Variants in ZBTB20 observed in about 807,000 individuals in gnomAD.
ZBTB20 encodes the protein zinc finger and BTB domain-containing protein 20.
Under a neutral mutation model 56.9 loss-of-function variants are expected in ZBTB20, and 9 were observed. The observed-to-expected ratio is 0.16, with a 90% CI of 0.10 to 0.28. The LOEUF (loss-of-function observed/expected upper bound fraction) is 0.28, where lower values mean the gene tolerates loss of function less well. Ranked by LOEUF, ZBTB20 falls within the 10% of genes least tolerant of loss-of-function variation. ZBTB20 has a pLI of 1.00. For synonymous variants in ZBTB20, 417 were observed against 420.7 expected (o/e 0.99, Z 0.11); for missense variants, 655 against 1,003.0 (o/e 0.65, Z 4.69).
At chr3:114,526,898 T>C (rs1463651990) in intron 6 of ZBTB20, among the ~76,000 whole-genome samples, 4 of 152,330 alleles carry the variant, frequency 2.6e-5, no homozygotes, top group Non-Finnish European at 4.4e-5. Flanking sequence ...TGACAGAATA[T>C]ATGCCTGCTC....
intron 6 of ZBTB20, among the ~76,000 whole-genome samples, chr3:114,685,768 A>G (rs1288687412): frequency 6.6e-6 from 1 of 152,174 alleles, no homozygotes; most frequent in Non-Finnish European, 1.5e-5. Flanking sequence ...CAGTAGTGAG[A>G]CCAACATAAA....
At chr3:114,571,975 TC>T (rs2053487268) in intron 6 of ZBTB20, among the ~76,000 whole-genome samples, 1 of 152,178 alleles carries the variant, frequency 6.6e-6, no homozygotes, top group Non-Finnish European at 1.5e-5. Flanking sequence ...CAACTACTTG[TC>T]CTGGGAGGCA....
At chr3:114,470,154 G>T (rs1396531404) in intron 7 of ZBTB20, among the ~76,000 whole-genome samples, 1 of 151,966 alleles carries the variant, frequency 6.6e-6, no homozygotes, top group Non-Finnish European at 1.5e-5. Flanking sequence ...AAAATGTTAG[G>T]TGATCATTTC....
At chr3:114,511,335 A>C (rs1011717880) in intron 6 of ZBTB20, among the ~76,000 whole-genome samples, 4 of 152,126 alleles carry the variant, frequency 2.6e-5, no homozygotes, top group African/African-American at 9.7e-5. Flanking sequence ...TCATCTCTGT[A>C]AGTGACAAGA....
intron 5 of ZBTB20, among the ~76,000 whole-genome samples, chr3:114,704,984 C>G (rs149977472): frequency 6.6e-6 from 1 of 152,190 alleles, no homozygotes; most frequent in African/African-American, 2.4e-5. Flanking sequence ...TCTAAATATT[C>G]TATATGTACT....
chr3:114,848,988 A>G (rs1409222490), intron 4 of ZBTB20, among the ~76,000 whole-genome samples: 1 of 152,216 alleles, frequency 6.6e-6, no homozygotes, highest in African/African-American at 2.4e-5. Flanking sequence ...CCCCAGCAGA[A>G]CACTTGGCTT....
intron 7 of ZBTB20, among the ~76,000 whole-genome samples, chr3:114,392,448 A>G (rs1011869793): frequency 6.6e-6 from 1 of 152,220 alleles, no homozygotes. Flanking sequence ...AAATGTTAAA[A>G]ATACCACTGG....
intron 6 of ZBTB20, among the ~76,000 whole-genome samples, chr3:114,642,488 G>A (rs1464010044): frequency 6.6e-6 from 1 of 152,038 alleles, no homozygotes; most frequent in Non-Finnish European, 1.5e-5. Context: ...GTAGGTGGTA[G>A]TGTGAGAATT....
At chr3:114,566,463 T>C (rs2052768235) in intron 6 of ZBTB20, among the ~76,000 whole-genome samples, 1 of 152,198 alleles carries the variant, frequency 6.6e-6, no homozygotes, top group African/African-American at 2.4e-5. Context: ...TTGCTACTTA[T>C]TTATCTCAAG....
At chr3:114,674,293 A>G (rs1483578986) in intron 6 of ZBTB20, among the ~76,000 whole-genome samples, 1 of 152,224 alleles carries the variant, frequency 6.6e-6, no homozygotes, top group Admixed American at 6.5e-5. Flanking sequence ...ATCATTCAAA[A>G]CACTTTCTAA....
intron 6 of ZBTB20, among the ~76,000 whole-genome samples, chr3:114,657,269 T>C (rs1299027509): frequency 1.3e-5 from 2 of 152,208 alleles, no homozygotes; most frequent in African/African-American, 4.8e-5. Context: ...CAGGTTTGTC[T>C]CTCTTTCTAT....
At chr3:114,884,595 C>T (rs1401662529) in intron 4 of ZBTB20, among the ~76,000 whole-genome samples, 2 of 152,104 alleles carry the variant, frequency 1.3e-5, no homozygotes, top group East Asian at 1.9e-4. Context: ...CTTTGCTTAG[C>T]TATGAATAAA....
chr3:114,995,431 A>T (rs1480681718), intron 2 of ZBTB20, among the ~76,000 whole-genome samples: 1 of 151,890 alleles, frequency 6.6e-6, no homozygotes, highest in Non-Finnish European at 1.5e-5. Context: ...ATCCCAGGAC[A>T]TCTGGTTACT....
intron 4 of ZBTB20, among the ~76,000 whole-genome samples, chr3:114,838,912 CA>C (rs1401006266): frequency 6.6e-6 from 1 of 151,948 alleles, no homozygotes; most frequent in Non-Finnish European, 1.5e-5. Context: ...CATTTACAAC[CA>C]AATGGGGTAG....
At chr3:114,434,755 A>G (rs1286462803) in intron 7 of ZBTB20, among the ~76,000 whole-genome samples, 1 of 152,132 alleles carries the variant, frequency 6.6e-6, no homozygotes, top group Non-Finnish European at 1.5e-5. Flanking sequence ...ATCTGCCAAC[A>G]ATAAAAAGGT....
intron 1 of ZBTB20, among the ~76,000 whole-genome samples, chr3:115,104,962 G>A (rs567205797): frequency 6.6e-6 from 1 of 151,974 alleles, no homozygotes; most frequent in Non-Finnish European, 1.5e-5. Context: ...GTGAAGGCAG[G>A]GGGTATATGA....
chr3:115,106,339 C>T (rs56226709), intron 1 of ZBTB20, among the ~76,000 whole-genome samples: 26,797 of 149,790 alleles, frequency 0.18, 4,059 homozygotes, highest in African/African-American at 0.41. Context: ...GTTCACACCA[C>T]TCTCCTGCCT....
chr3:114,736,024 C>T (rs1461826299), intron 5 of ZBTB20, among the ~76,000 whole-genome samples: 1 of 152,050 alleles, frequency 6.6e-6, no homozygotes, highest in African/African-American at 2.4e-5. Flanking sequence ...AGTAGTCAAA[C>T]CAGAATTATT....
In ZBTB20 at chr3:114,322,811, A is replaced by G. The variant is rs372243374; in HGVS notation, c.*16194T>C. 5.9e-5 allele frequency: 9 copies of G among 152,350 alleles called. No homozygotes were observed. In the East Asian group the frequency reaches 1.5e-3, roughly 26 times the overall value. 9.4% of individuals were successfully genotyped at this position (152,350 alleles called of 1,614,324 possible). A position where few individuals can be genotyped will look rare whatever the true frequency, so the allele number is the denominator to read the frequency against. On this transcript the variant is annotated 3_prime_UTR_variant, in exon 12 of 12. Transcript: ENST00000675478. ...AACAAGGCTGACAACTTTCTGAACA[A>G]TATTTAAACTTGGAATAGTAGACTT...
Sources: gnomAD v4.1 joint callset for allele counts (sites outside exome capture counted in the v4.1 genomes callset) on GRCh38, gnomAD v4.1.1 for gene constraint, MANE v1.5 for transcripts, NCBI Gene and HGNC (gene_info 2026-07-23, HGNC 2026-07-21) for gene names.